The following DACH2 variants were observed in gnomAD, a reference collection of about 807,000 sequenced individuals.
DACH2 encodes the protein dachshund family transcription factor 2, also known as dachshund homolog 2.
Under a neutral mutation model 35.8 loss-of-function variants are expected in DACH2, and 17 were observed. That is an observed-to-expected ratio of 0.48 (90% CI 0.33 to 0.71). The LOEUF is 0.71. Among genes scored for constraint, DACH2 ranks in the 30% least tolerant of loss-of-function variants. The pLI, the probability that DACH2 is intolerant of heterozygous loss-of-function variation, is 0.02. For synonymous variants in DACH2, 195 were observed against 177.3 expected, an observed-to-expected ratio of 1.10 and a Z score of -0.79; for missense variants, 469 against 472.7, an observed-to-expected ratio of 0.99 and a Z score of 0.07.
At chrX:86,338,968 G>A (rs1185326270) in intron 1 of DACH2, among the ~76,000 whole-genome samples, 4 of 112,007 alleles carry the variant, frequency 3.6e-5, no homozygotes, top group African/African-American at 9.7e-5. Flanking sequence ...AAATCTAGAA[G>A]AAATGGATAA....
At chrX:86,451,181 A>G (rs983663601) in intron 2 of DACH2, among the ~76,000 whole-genome samples, 2 of 111,524 alleles carry the variant, frequency 1.8e-5, no homozygotes, top group African/African-American at 6.5e-5. Flanking sequence ...ATTTTCTTCT[A>G]GGGTTTTAGG....
intron 3 of DACH2, among the ~76,000 whole-genome samples, chrX:86,581,684 T>C (rs184783548): frequency 9.0e-6 from 1 of 111,452 alleles, no homozygotes; most frequent in East Asian, 2.8e-4. Flanking sequence ...CAAGAAGAAG[T>C]AACTATCCTA....
intron 6 of DACH2, among the ~76,000 whole-genome samples, chrX:86,738,382 C>T (rs1159676591): frequency 9.0e-6 from 1 of 111,705 alleles, no homozygotes; most frequent in Non-Finnish European, 1.9e-5. Context: ...TTGGGCTTCT[C>T]ATGCAAAATC....
intron 1 of DACH2, among the ~76,000 whole-genome samples, chrX:86,364,110 C>T (rs1044603049): frequency 1.4e-4 from 16 of 111,582 alleles, no homozygotes; most frequent in African/African-American, 5.2e-4. Context: ...GAATGTAAGA[C>T]CTGTCTGCCT....
chrX:86,593,398 T>TTTTTA (rs199630866), intron 3 of DACH2, among the ~76,000 whole-genome samples: 1,465 of 91,450 alleles, frequency 0.016, 31 homozygotes, highest in Middle Eastern at 0.032. Flanking sequence ...TATATATATT[T>TTTTTA]TTTTATTTTA....
intron 3 of DACH2, among the ~76,000 whole-genome samples, chrX:86,583,028 G>A (rs1361022725): frequency 1.8e-5 from 2 of 111,250 alleles, no homozygotes; most frequent in Admixed American, 9.6e-5. Context: ...ATCAAGCAGA[G>A]TTTATCCCTG....
chrX:86,354,939 G>T (rs2148074591), intron 1 of DACH2, among the ~76,000 whole-genome samples: 1 of 111,355 alleles, frequency 9.0e-6, no homozygotes, highest in East Asian at 2.8e-4. Flanking sequence ...TTTATGTTTA[G>T]AGGGTATATG....
At chrX:86,809,862 G>A (rs1387391506) in intron 7 of DACH2, among the ~76,000 whole-genome samples, 1 of 110,981 alleles carries the variant, frequency 9.0e-6, no homozygotes, top group Non-Finnish European at 1.9e-5. Flanking sequence ...TGTCCTATTT[G>A]TCTTTTGATA....
chrX:86,180,693 T>C (rs931598272), intron 1 of DACH2, among the ~76,000 whole-genome samples: 2 of 111,598 alleles, frequency 1.8e-5, no homozygotes, highest in East Asian at 5.7e-4. Flanking sequence ...TGCCAGCTGG[T>C]TACAGTCATT....
intron 2 of DACH2, among the ~76,000 whole-genome samples, chrX:86,466,471 C>G (rs919363804): frequency 4.5e-5 from 5 of 110,475 alleles, no homozygotes; most frequent in Non-Finnish European, 9.5e-5. Context: ...CTGGCCCCTC[C>G]GAATCTCAGG....
chrX:86,580,386 GAAATGGTGT>G (rs1010351822), intron 3 of DACH2, among the ~76,000 whole-genome samples: 1 of 111,376 alleles, frequency 9.0e-6, no homozygotes, highest in African/African-American at 3.3e-5. Flanking sequence ...TAACTATGCT[GAAATGGTGT>G]AAATGACAGA....
At chrX:86,277,160 A>G (rs1476848767) in intron 1 of DACH2, among the ~76,000 whole-genome samples, 1 of 111,581 alleles carries the variant, frequency 9.0e-6, no homozygotes, top group Non-Finnish European at 1.9e-5. Context: ...TCTAATTTAT[A>G]TCCATGGAAT....
At chrX:86,820,018 C>G (rs748114956) in intron 11 of DACH2, among the ~76,000 whole-genome samples, 1 of 111,147 alleles carries the variant, frequency 9.0e-6, no homozygotes, top group Non-Finnish European at 1.9e-5. Context: ...ATAGGTAAAA[C>G]AAAAACAGAA....
chrX:86,665,560 C>A (rs1037977573), intron 4 of DACH2, among the ~76,000 whole-genome samples: 1 of 111,594 alleles, frequency 9.0e-6, no homozygotes, highest in African/African-American at 3.3e-5. Context: ...TGTTGCTAAG[C>A]CAGAAAATAC....
intron 2 of DACH2, among the ~76,000 whole-genome samples, chrX:86,397,622 G>A (rs1412225621): frequency 9.0e-6 from 1 of 111,672 alleles, no homozygotes; most frequent in Non-Finnish European, 1.9e-5. Flanking sequence ...TTTTGTCAAA[G>A]GCCTTTTCTG....
intron 2 of DACH2, among the ~76,000 whole-genome samples, chrX:86,445,288 C>T (rs1450066394): frequency 1.1e-5 from 1 of 89,685 alleles, no homozygotes; most frequent in East Asian, 3.6e-4. Flanking sequence ...TATTCTCACT[C>T]ATAGGTGGGA....
chrX:86,438,772 C>A (rs972849605), intron 2 of DACH2, among the ~76,000 whole-genome samples: 7 of 112,125 alleles, frequency 6.2e-5, no homozygotes, highest in Non-Finnish European at 1.3e-4. Flanking sequence ...TGAGGAATTG[C>A]CACACTGTCT....
intron 1 of DACH2, among the ~76,000 whole-genome samples, chrX:86,320,186 T>A (rs1296524587): frequency 1.8e-5 from 2 of 111,512 alleles, no homozygotes; most frequent in Non-Finnish European, 3.8e-5. Context: ...CAAGACACAG[T>A]GAAAAAAAGT....
intron 2 of DACH2, among the ~76,000 whole-genome samples, chrX:86,427,247 G>A (rs1038891865): frequency 9.0e-6 from 1 of 111,274 alleles, no homozygotes; most frequent in African/African-American, 3.3e-5. Context: ...GGGTCACAAA[G>A]CATTGTTGTA....
Sources: allele counts gnomAD v4.1 joint callset (sites outside exome capture counted in the v4.1 genomes callset), GRCh38; gene constraint gnomAD v4.1.1; transcripts MANE v1.5; gene names NCBI Gene and HGNC (gene_info 2026-07-23, HGNC 2026-07-21).